Variants in RAI14 observed in about 807,000 individuals in gnomAD.
RAI14 encodes retinoic acid induced 14.
Under a neutral mutation model 115.4 loss-of-function variants are expected in RAI14, and 45 were observed. The ratio of observed to expected loss-of-function variants is 0.39; its 90% CI spans 0.31 to 0.50. RAI14 has a LOEUF of 0.50. Among genes scored for constraint, RAI14 ranks in the 20% least tolerant of loss-of-function variants. RAI14 has a pLI of 0.85. For missense variants in RAI14, 939 were observed against 1,131.2 expected (o/e 0.83, Z 2.44); for synonymous variants, 371 against 415.4 (o/e 0.89, Z 1.30).
chr5:34,788,399 G>T (rs1005094896), intron 3 of RAI14, among the ~76,000 whole-genome samples: 4 of 152,120 alleles, frequency 2.6e-5, no homozygotes, highest in African/African-American at 9.7e-5. Flanking sequence ...AATGTTCCAA[G>T]GATGGGGTGC....
chr5:34,687,081 C>A, intron 2 of RAI14, 126 bp downstream of exon 2: 1 of 961,868 alleles, frequency 1.0e-6, no homozygotes, highest in East Asian at 2.6e-5. Flanking sequence ...GCTCTTGGCC[C>A]CAGCTCAGGG....
intron 2 of RAI14, among the ~76,000 whole-genome samples, chr5:34,741,711 T>G (rs1745535142): frequency 6.6e-6 from 1 of 151,936 alleles, no homozygotes; most frequent in Non-Finnish European, 1.5e-5. Flanking sequence ...CATGGAAGAG[T>G]GTGGGATCTC....
intron 2 of RAI14, among the ~76,000 whole-genome samples, chr5:34,714,084 G>A (rs1741728299): frequency 6.6e-6 from 1 of 152,220 alleles, no homozygotes; most frequent in African/African-American, 2.4e-5. Flanking sequence ...TTTCAGGCGT[G>A]AGCCACCTCG....
chr5:34,726,226 C>G (rs1222136534), intron 2 of RAI14, among the ~76,000 whole-genome samples: 1 of 151,968 alleles, frequency 6.6e-6, no homozygotes, highest in Non-Finnish European at 1.5e-5. Context: ...TAGCTTCTTC[C>G]CACACTGCTA....
At chr5:34,776,405 CT>C (rs1207215402) in intron 3 of RAI14, among the ~76,000 whole-genome samples, 2 of 152,010 alleles carry the variant, frequency 1.3e-5, no homozygotes, top group African/African-American at 4.8e-5. Flanking sequence ...TTTAAAATAG[CT>C]GAAAGAGTAT....
chr5:34,812,365 T>C (rs982423615), intron 10 of RAI14, among the ~76,000 whole-genome samples, 157 bp downstream of exon 10: 3 of 152,208 alleles, frequency 2.0e-5, no homozygotes, highest in African/African-American at 7.2e-5. Flanking sequence ...GTCATTGTTA[T>C]AAGGTGTTAA....
intron 1 of RAI14, among the ~76,000 whole-genome samples, chr5:34,677,903 T>A (rs1009035840): frequency 4.6e-5 from 7 of 152,232 alleles, no homozygotes; most frequent in Non-Finnish European, 2.9e-5. Flanking sequence ...TGCACCAATC[T>A]AATAACAATA....
chr5:34,823,065 A>C lies in RAI14; in HGVS notation c.1223A>C (p.Asp408Ala). The change falls in exon 15 of 18, where the codon GAC becomes GCC. Residue 408 changes from aspartate (D) to alanine (A), a missense_variant. Transcript: ENST00000265109. This position sits in a 1 kb window ranked among gnomAD's most constrained non-coding sequence, Gnocchi z 4.5. ...LGKPGETSPP[D>A]SKSSPSVLIH... ...AAACCTGGTGAAACCTCTCCCCCAG[A>C]CTCCAAATCATCTCCATCTGTCTTA... The C allele has an allele frequency of 2.5e-6, 4 of 1,612,534 alleles. No individual in the cohort carries two copies. The highest frequency in any genetic ancestry group is 3.4e-6 in the Non-Finnish European group (4 of 1,178,778).
At chr5:34,753,698 G>A (rs916796767) in intron 2 of RAI14, among the ~76,000 whole-genome samples, 4 of 152,070 alleles carry the variant, frequency 2.6e-5, no homozygotes, top group Non-Finnish European at 4.4e-5. Flanking sequence ...GGCAGATCAC[G>A]AGGTCAAGCG....
chr5:34,667,724 G>A (rs1247602208), intron 1 of RAI14, among the ~76,000 whole-genome samples: 1 of 152,100 alleles, frequency 6.6e-6, no homozygotes, highest in African/African-American at 2.4e-5. Context: ...AATTCACCTC[G>A]AAGAAGAGGG....
At chr5:34,708,360 G>A (rs773301007) in intron 2 of RAI14, among the ~76,000 whole-genome samples, 1 of 151,908 alleles carries the variant, frequency 6.6e-6, no homozygotes, top group Non-Finnish European at 1.5e-5. Flanking sequence ...GCGCCACCTC[G>A]CCCGGCTAAT....
At chr5:34,786,578 C>T (rs936177062) in intron 3 of RAI14, among the ~76,000 whole-genome samples, 6 of 152,182 alleles carry the variant, frequency 3.9e-5, no homozygotes, top group Admixed American at 3.3e-4. Context: ...CGAACCAGAG[C>T]CCACACTTGT....
intron 1 of RAI14, among the ~76,000 whole-genome samples, chr5:34,662,935 A>G (rs1181498390): frequency 6.6e-6 from 1 of 151,796 alleles, no homozygotes; most frequent in East Asian, 1.9e-4. Context: ...CATGTTGGCC[A>G]TGGCTGGCCA....
chr5:34,662,755 G>A (rs1742797042), intron 1 of RAI14, among the ~76,000 whole-genome samples: 2 of 100,354 alleles, frequency 2.0e-5, no homozygotes, highest in Non-Finnish European at 3.7e-5. Flanking sequence ...TAGACACAGA[G>A]TCTCACTCTG....
chr5:34,829,041 A>C (rs1387291182), intron 16 of RAI14, among the ~76,000 whole-genome samples: 5 of 152,116 alleles, frequency 3.3e-5, no homozygotes, highest in Non-Finnish European at 7.4e-5. Context: ...TGAGATAATC[A>C]CTTTTTACAT....
At chr5:34,765,571 A>T (rs1749242129) in intron 3 of RAI14, among the ~76,000 whole-genome samples, 1 of 152,208 alleles carries the variant, frequency 6.6e-6, no homozygotes, top group South Asian at 2.1e-4. Flanking sequence ...GGCAGAATAA[A>T]TTTCTAAGTA....
At chr5:34,729,751 C>T (rs1743945450) in intron 2 of RAI14, among the ~76,000 whole-genome samples, 1 of 152,058 alleles carries the variant, frequency 6.6e-6, no homozygotes, top group South Asian at 2.1e-4. Context: ...GGGGTTGGGG[C>T]AGGAAGAAGA....
chr5:34,777,289 A>G (rs557347602), intron 3 of RAI14, among the ~76,000 whole-genome samples: 3 of 152,336 alleles, frequency 2.0e-5, no homozygotes, highest in Non-Finnish European at 4.4e-5. Context: ...TGGACCAATA[A>G]ATAGATAAAG....
intron 1 of RAI14, among the ~76,000 whole-genome samples, chr5:34,665,007 A>G (rs1422025896): frequency 1.9e-4 from 2 of 10,810 alleles, no homozygotes; most frequent in Non-Finnish European, 2.8e-4. Context: ...ATATGTGTAT[A>G]TATATATATA....
Sources: gnomAD v4.1 joint callset for allele counts (sites outside exome capture counted in the v4.1 genomes callset) on GRCh38, gnomAD v4.1.1 for gene constraint, Gnocchi (gnomAD v3.1) non-coding constraint, MANE v1.5 for transcripts, NCBI Gene and HGNC (gene_info 2026-07-23, HGNC 2026-07-21) for gene names.